MYO1D: variants seen among roughly 807,000 people sequenced by gnomAD.
MYO1D encodes the protein myosin ID.
In MYO1D, 83 loss-of-function variants were observed where a neutral mutation model predicts 122.0. That is an observed-to-expected ratio of 0.68 (90% CI 0.57 to 0.82). The LOEUF is 0.82. Ranked by LOEUF, MYO1D falls within the 40% of genes least tolerant of loss-of-function variation. The probability of loss-of-function intolerance (pLI) is 0.00; values close to 1 mark genes in which losing one functional copy is unlikely to be tolerated. For synonymous variants in MYO1D, 464 were observed against 446.9 expected, an observed-to-expected ratio of 1.04 and a Z score of -0.48; for missense variants, 1,157 against 1,269.5, an observed-to-expected ratio of 0.91 and a Z score of 1.35.
At chr17:32,495,473 G>C (rs9916210) in intron 21 of MYO1D, 29,096 of 152,312 alleles carry the variant, frequency 0.19, 3,093 homozygotes, top group Middle Eastern at 0.3. Context: ...CAGTGCAGCC[G>C]GTGCCCCACC....
intron 21 of MYO1D, among the ~76,000 whole-genome samples, chr17:32,601,878 T>C (rs1460344664): frequency 1.3e-5 from 2 of 152,212 alleles, no homozygotes; most frequent in Non-Finnish European, 2.9e-5. Context: ...ACATAAAATA[T>C]GTGGGTGTGT....
At position 32,755,680 on chromosome 17, in the gene MYO1D, G is replaced by A. The variant is rs370797887; in HGVS notation, c.1297-18C>T. On this transcript the variant is annotated intron_variant, in intron 10 of 21. Transcript: ENST00000318217. ...TAGTCAATCTGTAGGACACAGCAAG[G>A]AGGGAATTCTGAAGAGAACAGTGAC... The A allele has an allele frequency of 1.2e-6, 2 of 1,606,330 alleles. No homozygotes were observed. Among genetic ancestry groups the A allele is most frequent in the Non-Finnish European group, 1.7e-6 (2 of 1,174,848 alleles).
At chr17:32,522,365 A>C (rs1384049515) in intron 21 of MYO1D, among the ~76,000 whole-genome samples, 2 of 152,194 alleles carry the variant, frequency 1.3e-5, no homozygotes, top group Non-Finnish European at 2.9e-5. Flanking sequence ...TTCACCAAAA[A>C]TGGGTCCCCC....
At chr17:32,754,253 T>C (rs879343710) in intron 11 of MYO1D, among the ~76,000 whole-genome samples, 9 of 152,178 alleles carry the variant, frequency 5.9e-5, no homozygotes, top group Admixed American at 2.0e-4. Context: ...CTCTAAATTA[T>C]TTAGGTGACT....
intron 1 of MYO1D, among the ~76,000 whole-genome samples, chr17:32,792,182 T>C (rs1446591007): frequency 6.6e-6 from 1 of 152,254 alleles, no homozygotes; most frequent in Non-Finnish European, 1.5e-5. Context: ...TGTATGTATA[T>C]CTGTAGAACG....
At chr17:32,813,144 T>C (rs544761526) in intron 1 of MYO1D, among the ~76,000 whole-genome samples, 3 of 152,348 alleles carry the variant, frequency 2.0e-5, no homozygotes, top group Non-Finnish European at 2.9e-5. Flanking sequence ...CTTTATTATA[T>C]CCTCAAATAT....
rs1381617721 is a variant in MYO1D, at chr17:32,764,889, C to T, written c.1024G>A (p.Ala342Thr). 6.8e-6 allele frequency: 11 copies of T among 1,613,922 alleles called. No individual in the cohort carries two copies. Among genetic ancestry groups the T allele is most frequent in the Admixed American group, 1.7e-5 (1 of 60,006 alleles). ...AGTTACACTCTCACCTTGGCAAAGG[C>T]GTCTCTGCCGTAGCTGGCCTCTTGT... is the stretch of plus-strand genomic sequence containing the variant. Reference protein sequence around the residue: ...TEQEASYGRDAFAKAIYERLF... With the variant: ...TEQEASYGRDTFAKAIYERLF... The change falls in exon 8 of 22, where the codon GCC becomes ACC. Residue 342 changes from alanine (A) to threonine (T), a missense_variant. Ala to Thr is a moderately conservative substitution (Grantham distance 58, BLOSUM62 0). Transcript: ENST00000318217.
chr17:32,706,433 G>T (rs1288350449), intron 16 of MYO1D, among the ~76,000 whole-genome samples: 2 of 151,936 alleles, frequency 1.3e-5, no homozygotes, highest in Non-Finnish European at 2.9e-5. Context: ...GCACAGAAAA[G>T]GTATGAAAAT....
chr17:32,819,914 A>G (rs976534647), intron 1 of MYO1D, among the ~76,000 whole-genome samples: 17 of 152,238 alleles, frequency 1.1e-4, no homozygotes, highest in Non-Finnish European at 1.6e-4. Flanking sequence ...ATTTCAATCT[A>G]GACAACATGC....
chr17:32,801,537 T>C (rs2090461276), intron 1 of MYO1D, among the ~76,000 whole-genome samples: 1 of 152,078 alleles, frequency 6.6e-6, no homozygotes, highest in Non-Finnish European at 1.5e-5. Context: ...AATAAGTATA[T>C]ATGTTGAGGA....
chr17:32,526,182 G>A (rs999644708), intron 21 of MYO1D, among the ~76,000 whole-genome samples: 13 of 152,198 alleles, frequency 8.5e-5, no homozygotes, highest in Admixed American at 3.9e-4. Flanking sequence ...TCCCCCACCA[G>A]ATTGTAAACC....
chr17:32,624,109 CA>C (rs1026023220), intron 20 of MYO1D, among the ~76,000 whole-genome samples: 3 of 151,778 alleles, frequency 2.0e-5, no homozygotes, highest in Non-Finnish European at 4.4e-5. Context: ...TCCAAGGAGC[CA>C]AAACAACAAA....
intron 20 of MYO1D, among the ~76,000 whole-genome samples, chr17:32,635,837 G>A (rs971554928): frequency 6.6e-6 from 1 of 152,150 alleles, no homozygotes; most frequent in Non-Finnish European, 1.5e-5. Flanking sequence ...AAGTATGGAT[G>A]CCCTTAGCTA....
In MYO1D at chr17:32,561,351, C is replaced by T. The variant is rs544684159; in HGVS notation, c.2864+43736G>A. Reference sequence around the variant, plus strand: ...TTTGCTTCAATTTTTTTCCAACTCTCTCCTTTTTTTTTAATTCTAAAATTC... The same window carrying T: ...TTTGCTTCAATTTTTTTCCAACTCTTTCCTTTTTTTTTAATTCTAAAATTC... On this transcript the variant is annotated intron_variant, in intron 21 of 21. Coordinates refer to ENST00000318217, the MANE Select transcript of MYO1D (RefSeq NM_015194.3). Among the ~76,000 whole-genome samples, 45 of 138,722 alleles carry T rather than the reference C, an allele frequency of 3.2e-4. No homozygotes were observed. In the South Asian group the frequency reaches 5.8e-3, roughly 18 times the overall value. 91.0% of individuals were successfully genotyped at this position (138,722 alleles called of 152,430 possible).
At chr17:32,756,258 G>C (rs991703878) in intron 10 of MYO1D, 7 of 228,216 alleles carry the variant, frequency 3.1e-5, no homozygotes, top group African/African-American at 1.6e-4. Context: ...GTGGAACTGT[G>C]CACTAAAGTG....
intron 21 of MYO1D, among the ~76,000 whole-genome samples, chr17:32,576,503 A>C (rs935201635): frequency 7.2e-5 from 11 of 152,266 alleles, no homozygotes; most frequent in African/African-American, 2.7e-4. Flanking sequence ...CATACTATTC[A>C]GGATATCAAA....
rs80181418 is a variant in MYO1D, at chr17:32,613,260, T to A, written c.2710-8019A>T. On this transcript the variant is annotated intron_variant, in intron 20 of 21. Transcript: ENST00000318217. Reference sequence around the variant, plus strand: ...TCTATCATACTTAAATGCTCTACAATATGGAAAAAGAGAAAAATCATACTG... The same window carrying A: ...TCTATCATACTTAAATGCTCTACAAAATGGAAAAAGAGAAAAATCATACTG... Among the ~76,000 whole-genome samples, 643 of 152,168 alleles carry A rather than the reference T, an allele frequency of 4.2e-3. 1 individual carries two copies. Among genetic ancestry groups the A allele is most frequent in the Non-Finnish European group, 7.3e-3 (497 of 68,004 alleles).
chr17:32,762,160 A>G (rs911408654), intron 8 of MYO1D, among the ~76,000 whole-genome samples: 80 of 151,922 alleles, frequency 5.3e-4, no homozygotes, highest in African/African-American at 1.7e-3. Context: ...GCCAAGCAAG[A>G]GAGGAGAGAA....
intron 16 of MYO1D, among the ~76,000 whole-genome samples, chr17:32,664,710 C>T (rs2088613728): frequency 6.6e-6 from 1 of 152,148 alleles, no homozygotes; most frequent in South Asian, 2.1e-4. Context: ...CAGCGGCAAA[C>T]AGAGAGGCCT....
Sources: allele counts gnomAD v4.1 joint callset (sites outside exome capture counted in the v4.1 genomes callset), GRCh38; gene constraint gnomAD v4.1.1; transcripts MANE v1.5; gene names NCBI Gene and HGNC (gene_info 2026-07-23, HGNC 2026-07-21).